Variants in DMD observed in about 807,000 individuals in gnomAD.
DMD encodes the protein dystrophin.
DMD carries 63 observed loss-of-function variants against 330.1 expected under a neutral mutation model. That is an observed-to-expected ratio of 0.19 (90% CI 0.16 to 0.24). The LOEUF is 0.24. Ranked by LOEUF, DMD falls within the 10% of genes least tolerant of loss-of-function variation. The pLI, the probability that DMD is intolerant of heterozygous loss-of-function variation, is 1.00. For synonymous variants in DMD, 1,223 were observed against 959.8 expected (o/e 1.27, Z -5.07); for missense variants, 3,344 against 2,684.1 (o/e 1.25, Z -5.43).
At chrX:31,846,809 C>A (rs1443777956) in intron 48 of DMD, among the ~76,000 whole-genome samples, 1 of 111,763 alleles carries the variant, frequency 8.9e-6, no homozygotes, top group Non-Finnish European at 1.9e-5. Flanking sequence ...ACTCAGAAGG[C>A]ACTGGCAGAT....
chrX:33,031,906 T>A (rs1374236345), intron 1 of DMD, among the ~76,000 whole-genome samples: 1 of 112,592 alleles, frequency 8.9e-6, no homozygotes, highest in East Asian at 2.8e-4. Flanking sequence ...AGGTATCCTG[T>A]AAAGCATCGA....
chrX:31,448,905 T>G (rs779289541), intron 59 of DMD, among the ~76,000 whole-genome samples: 1 of 112,694 alleles, frequency 8.9e-6, no homozygotes, highest in African/African-American at 3.2e-5. Context: ...CATATAAAAT[T>G]AAATTGCCTG....
chrX:32,140,479 G>A, intron 44 of DMD, among the ~76,000 whole-genome samples: 1 of 112,254 alleles, frequency 8.9e-6, no homozygotes, highest in East Asian at 2.8e-4. Context: ...AAGGCATTAA[G>A]CAATGACTTT....
In DMD at chrX:32,545,321, A is replaced by G. The variant is rs2048866349; in HGVS notation, c.2006T>C (p.Val669Ala). 1 of 1,209,994 alleles carries G rather than the reference A, an allele frequency of 8.3e-7. No homozygotes were observed. Reference protein sequence around the residue: ...EKSTAQISQAVTTTQPSLTQT... With the variant: ...EKSTAQISQAATTTQPSLTQT... ...TGTTAGTGATGGCTGAGTGGTGGTGACAGCCTGTGAAATCTGTGAGAAGTA... is the reference window on the plus strand; with the variant it reads ...TGTTAGTGATGGCTGAGTGGTGGTGGCAGCCTGTGAAATCTGTGAGAAGTA... The change falls in exon 17 of 79, where the codon GTC (valine) becomes GCC (alanine). Residue 669 changes from valine to alanine, a missense_variant. Physicochemically the swap from Val to Ala is moderately conservative, Grantham distance 64 (BLOSUM62 0). Transcript: ENST00000357033.
chrX:31,574,576 C>T (rs898232475), intron 55 of DMD, among the ~76,000 whole-genome samples: 5 of 111,838 alleles, frequency 4.5e-5, no homozygotes, highest in East Asian at 2.8e-4. Context: ...GTGCTACCTG[C>T]GGACAGAGCT....
In DMD at chrX:32,728,944, T is replaced by G. The variant is rs528570682; in HGVS notation, c.650-29651A>C. Among the ~76,000 whole-genome samples the G allele has an allele frequency of 1.9e-4, 21 of 112,096 alleles. No individual in the cohort carries two copies. The South Asian group carries it at 5.5e-3, about 30-fold the overall frequency. ...ACCTATCCACTCATTTAGTAAATAT[T>G]TACTCAGTGTCTACCATTTTCCAAC... On this transcript the variant is annotated intron_variant, in intron 7 of 78. Coordinates refer to ENST00000357033, the MANE Select transcript of DMD (RefSeq NM_004006.3).
At chrX:31,229,725 A>G (rs924547054) in intron 63 of DMD, among the ~76,000 whole-genome samples, 1 of 111,979 alleles carries the variant, frequency 8.9e-6, no homozygotes, top group Admixed American at 9.5e-5. Flanking sequence ...CTAATTTTCC[A>G]AATTTTCCCA....
intron 1 of DMD, among the ~76,000 whole-genome samples, chrX:33,062,724 G>A (rs770991550): frequency 1.2e-4 from 13 of 112,470 alleles, no homozygotes; most frequent in Middle Eastern, 4.6e-3. Flanking sequence ...TGATCCACCC[G>A]CCTCGGCCTC....
chrX:33,241,008 T>C (rs1364001546), intron 1 of DMD, among the ~76,000 whole-genome samples: 1 of 112,103 alleles, frequency 8.9e-6, no homozygotes, highest in Non-Finnish European at 1.9e-5. Context: ...ATTCTGTAGG[T>C]TTTCTCTTCA....
intron 67 of DMD, 24 bp from the exon 68 acceptor site, chrX:31,182,928 A>G: frequency 8.5e-7 from 1 of 1,182,390 alleles, no homozygotes; most frequent in Non-Finnish European, 1.1e-6. Flanking sequence ...AGGGAGAGAG[A>G]AGGAGGGCAA....
intron 30 of DMD, among the ~76,000 whole-genome samples, chrX:32,408,815 T>C (rs1234534722): frequency 2.7e-5 from 3 of 111,642 alleles, no homozygotes; most frequent in African/African-American, 9.8e-5. Flanking sequence ...TTTTTGTTAA[T>C]ACAATGCATT....
At chrX:31,765,137 A>T (rs1399904718) in intron 51 of DMD, among the ~76,000 whole-genome samples, 2 of 111,017 alleles carry the variant, frequency 1.8e-5, no homozygotes, top group Non-Finnish European at 1.9e-5. Flanking sequence ...ATTAAAACAT[A>T]TGCAAAAATC....
chrX:32,385,641 G>C (rs768935754), intron 33 of DMD, among the ~76,000 whole-genome samples: 1 of 32,652 alleles, frequency 3.1e-5, no homozygotes, highest in South Asian at 1.3e-3. Context: ...GAATATTTGA[G>C]TTGAGCGAAG....
chrX:32,413,326 G>A (rs2098151639), intron 29 of DMD, among the ~76,000 whole-genome samples: 1 of 111,038 alleles, frequency 9.0e-6, no homozygotes, highest in African/African-American at 3.3e-5. Context: ...TCCCCAACTT[G>A]CTTTTCCTCC....
chrX:32,720,057 C>G (rs773371127), intron 7 of DMD, among the ~76,000 whole-genome samples: 2 of 110,344 alleles, frequency 1.8e-5, no homozygotes, highest in Admixed American at 9.7e-5. Flanking sequence ...AAGATACTTA[C>G]AAGTAAAGCA....
intron 7 of DMD, among the ~76,000 whole-genome samples, chrX:32,765,728 A>G (rs140390972): frequency 0.067 from 7,399 of 110,579 alleles, 273 homozygotes; most frequent in Admixed American, 0.19. Context: ...AATTTACCTA[A>G]TTTTTCTGTT....
At chrX:31,639,337 C>G (rs1202702392) in intron 54 of DMD, among the ~76,000 whole-genome samples, 1 of 111,526 alleles carries the variant, frequency 9.0e-6, no homozygotes, top group Non-Finnish European at 1.9e-5. Context: ...TTGGAATATC[C>G]CACTGGACAT....
intron 63 of DMD, among the ~76,000 whole-genome samples, chrX:31,249,114 C>T (rs1409212619): frequency 1.8e-5 from 2 of 112,160 alleles, no homozygotes; most frequent in Admixed American, 1.9e-4. Flanking sequence ...TCTTCCAAAT[C>T]AAAAACCTTA....
chrX:31,649,933 C>T (rs1397646493), intron 54 of DMD, among the ~76,000 whole-genome samples: 1 of 109,588 alleles, frequency 9.1e-6, no homozygotes, highest in East Asian at 2.9e-4. Context: ...GAACTGGTGG[C>T]TTTGGGGTCA....
Sources: gnomAD v4.1 joint callset for allele counts (sites outside exome capture counted in the v4.1 genomes callset) on GRCh38, gnomAD v4.1.1 for gene constraint, MANE v1.5 for transcripts, NCBI Gene and HGNC (gene_info 2026-07-23, HGNC 2026-07-21) for gene names.